Variants in GPC5 observed in about 807,000 individuals in gnomAD.
GPC5 encodes glypican 5, also known as glypican-5.
A neutral mutation model predicts 53.9 loss-of-function variants in GPC5; 47 were observed. That is an observed-to-expected ratio of 0.87 (90% CI 0.69 to 1.11). The LOEUF (loss-of-function observed/expected upper bound fraction) is 1.11. GPC5 is among the 50% of genes most tolerant of loss of function. The probability of loss-of-function intolerance (pLI) is 0.00; values close to 1 mark genes in which losing one functional copy is unlikely to be tolerated. For synonymous variants in GPC5, 286 were observed against 263.3 expected (o/e 1.09, Z -0.84); for missense variants, 748 against 713.1 (o/e 1.05, Z -0.56).
intron 7 of GPC5, among the ~76,000 whole-genome samples, chr13:92,676,077 C>G (rs1459432114): frequency 6.6e-6 from 1 of 152,108 alleles, no homozygotes; most frequent in Non-Finnish European, 1.5e-5. Context: ...GAATTTCAAG[C>G]ACTGCATTAC....
At chr13:91,851,690 C>A (rs1443399709) in intron 5 of GPC5, among the ~76,000 whole-genome samples, 1 of 132,088 alleles carries the variant, frequency 7.6e-6, no homozygotes, top group African/African-American at 2.9e-5. Flanking sequence ...GTGATATTCC[C>A]CTTCCTGTGT....
At chr13:91,774,849 C>T (rs968825092) in intron 5 of GPC5, among the ~76,000 whole-genome samples, 1 of 152,130 alleles carries the variant, frequency 6.6e-6, no homozygotes, top group Non-Finnish European at 1.5e-5. Context: ...CGCCTTTTTG[C>T]GTAACTTTTA....
chr13:91,851,438 C>T (rs1464893298), intron 5 of GPC5, among the ~76,000 whole-genome samples: 1 of 152,162 alleles, frequency 6.6e-6, no homozygotes, highest in Non-Finnish European at 1.5e-5. Context: ...CATTACTGTA[C>T]ACTACTGTAG....
Position 92,031,721 on chromosome 13 carries a change from G to A in GPC5, c.1402-113109G>A, listed in dbSNP as rs920785948. Among the ~76,000 whole-genome samples, 67 of 10,410 alleles carry A rather than the reference G, an allele frequency of 6.4e-3. 2 individuals are homozygous for A. Among genetic ancestry groups the A allele is most frequent in the South Asian group, 0.033 (10 of 306 alleles). The allele number at this position is 10,410 out of a possible 152,430, so 6.8% of individuals were successfully genotyped here. A position where few individuals can be genotyped will look rare whatever the true frequency, so the allele number is the denominator to read the frequency against. On this transcript the variant is annotated intron_variant, in intron 6 of 7. Transcript: ENST00000377067. ...AATATATTATATATATTACATATAT[G>A]TAATATATTACATATTATATATAAT...
intron 5 of GPC5, among the ~76,000 whole-genome samples, chr13:91,855,675 C>T (rs991865395): frequency 6.6e-6 from 1 of 151,542 alleles, no homozygotes; most frequent in African/African-American, 2.4e-5. Flanking sequence ...TGATATATGT[C>T]TCAAGTTTCA....
At chr13:91,533,724 A>G (rs1241498993) in intron 2 of GPC5, among the ~76,000 whole-genome samples, 1 of 152,206 alleles carries the variant, frequency 6.6e-6, no homozygotes, top group Non-Finnish European at 1.5e-5. Flanking sequence ...GCAATTGAGT[A>G]ACTTCCATAA....
intron 6 of GPC5, among the ~76,000 whole-genome samples, chr13:92,082,614 G>A (rs2041305364): frequency 1.3e-5 from 2 of 152,120 alleles, no homozygotes; most frequent in Non-Finnish European, 2.9e-5. Flanking sequence ...CAATTTTAAT[G>A]CCTCAGCATT....
chr13:91,448,713 C>G (rs1023150476), intron 1 of GPC5, 48 bp from the exon 2 acceptor site: 16 of 1,586,930 alleles, frequency 1.0e-5, no homozygotes, highest in Non-Finnish European at 1.3e-5. Context: ...ATATGTAATA[C>G]TTGTTAAATG....
At chr13:92,703,473 G>T (rs1887831112) in intron 7 of GPC5, among the ~76,000 whole-genome samples, 1 of 151,222 alleles carries the variant, frequency 6.6e-6, no homozygotes, top group African/African-American at 2.4e-5. Flanking sequence ...AAAGTCTAGG[G>T]TTTTTTGTCT....
intron 6 of GPC5, among the ~76,000 whole-genome samples, chr13:92,052,763 C>T (rs1312514152): frequency 1.3e-5 from 2 of 152,152 alleles, no homozygotes; most frequent in Admixed American, 1.3e-4. Context: ...AGGACAGAGA[C>T]ATCAGTAGAA....
At chr13:91,452,548 C>T (rs1476373843) in intron 2 of GPC5, among the ~76,000 whole-genome samples, 1 of 151,810 alleles carries the variant, frequency 6.6e-6, no homozygotes, top group African/African-American at 2.4e-5. Flanking sequence ...AGTTTGTTTC[C>T]CATTGGTGGT....
At chr13:91,713,459 CTCCTT>C (rs2036271935) in intron 3 of GPC5, among the ~76,000 whole-genome samples, 1 of 151,970 alleles carries the variant, frequency 6.6e-6, no homozygotes, top group Non-Finnish European at 1.5e-5. Flanking sequence ...CATGTCTTTT[CTCCTT>C]TCCTTTCCCG....
At position 92,516,402 on chromosome 13, in the gene GPC5, C is replaced by G. The variant is rs141053680; in HGVS notation, c.1562-349880C>G. On this transcript the variant is annotated intron_variant, in intron 7 of 7. Transcript: ENST00000377067. Reference sequence around the variant, plus strand: ...ATTTAAAAAATACAAGTTTGTAGACCCACTAATGCACTTGATATATTATGG... The same window carrying G: ...ATTTAAAAAATACAAGTTTGTAGACGCACTAATGCACTTGATATATTATGG... Among the ~76,000 whole-genome samples, 415 of 151,784 alleles carry G rather than the reference C, an allele frequency of 2.7e-3. 2 individuals are homozygous for G. Among genetic ancestry groups the G allele is most frequent in the Non-Finnish European group, 4.5e-3 (305 of 67,936 alleles).
At chr13:92,054,032 CAAATAAATAAATAAATAAAT>C (rs56703718) in intron 6 of GPC5, among the ~76,000 whole-genome samples, 9 of 142,568 alleles carry the variant, frequency 6.3e-5, no homozygotes, top group South Asian at 2.3e-4. Flanking sequence ...AATTCCATTT[CAAATAAATAAATAAATAAAT>C]AAATAAATAA....
intron 7 of GPC5, among the ~76,000 whole-genome samples, chr13:92,711,803 C>A (rs1888148001): frequency 6.6e-6 from 1 of 151,902 alleles, no homozygotes; most frequent in African/African-American, 2.4e-5. Flanking sequence ...ATCTCCAACT[C>A]AAAAACACAC....
At chr13:92,111,753 G>A (rs534840381) in intron 6 of GPC5, among the ~76,000 whole-genome samples, 1 of 152,210 alleles carries the variant, frequency 6.6e-6, no homozygotes, top group Non-Finnish European at 1.5e-5. Context: ...TTTTCAGGTA[G>A]GCAACAATGG....
chr13:91,986,922 G>A (rs1219583123), intron 6 of GPC5, among the ~76,000 whole-genome samples: 1 of 140,900 alleles, frequency 7.1e-6, no homozygotes, highest in African/African-American at 2.5e-5. Context: ...ATAGTTACAA[G>A]GTGACTGTGG....
intron 7 of GPC5, among the ~76,000 whole-genome samples, chr13:92,834,935 C>T (rs1419285859): frequency 1.3e-5 from 2 of 151,996 alleles, no homozygotes; most frequent in African/African-American, 2.4e-5. Context: ...TTTAAATCAA[C>T]TGTATTTATT....
intron 7 of GPC5, among the ~76,000 whole-genome samples, chr13:92,750,592 C>A (rs941344796): frequency 6.6e-6 from 1 of 152,140 alleles, no homozygotes; most frequent in Non-Finnish European, 1.5e-5. Flanking sequence ...TGAATTATCT[C>A]CCGTCTGTAC....
Sources: allele counts gnomAD v4.1 joint callset (sites outside exome capture counted in the v4.1 genomes callset), GRCh38; gene constraint gnomAD v4.1.1; transcripts MANE v1.5; gene names NCBI Gene and HGNC (gene_info 2026-07-23, HGNC 2026-07-21).